The following TDRD12 variants were observed in gnomAD, a reference collection of about 807,000 sequenced individuals.
TDRD12 encodes the protein tudor domain containing 12.
Under a neutral mutation model 133.5 loss-of-function variants are expected in TDRD12, and 158 were observed. The observed-to-expected ratio is 1.18, with a 90% CI of 1.04 to 1.35. The LOEUF (loss-of-function observed/expected upper bound fraction) is 1.35, where lower values mean the gene tolerates loss of function less well. TDRD12 is among the 40% of genes most tolerant of loss of function. The pLI is 0.00. For missense variants in TDRD12, 1,443 were observed against 1,321.3 expected, an observed-to-expected ratio of 1.09 and a Z score of -1.43; for synonymous variants, 460 against 477.9, an observed-to-expected ratio of 0.96 and a Z score of 0.49.
At chr19:32,745,404 G>C (rs545316360) in intron 4 of TDRD12, among the ~76,000 whole-genome samples, 1 of 152,152 alleles carries the variant, frequency 6.6e-6, no homozygotes, top group African/African-American at 2.4e-5. Context: ...CCCTTTTAAC[G>C]TGTGTATTAC....
intron 27 of TDRD12, among the ~76,000 whole-genome samples, chr19:32,819,633 C>G (rs553847703): frequency 6.6e-6 from 1 of 152,166 alleles, no homozygotes; most frequent in South Asian, 2.1e-4. Flanking sequence ...CCCGTGGTCA[C>G]GAACACAGAG....
intron 1 of TDRD12, among the ~76,000 whole-genome samples, chr19:32,726,405 A>G (rs1396283401): frequency 1.3e-5 from 2 of 152,204 alleles, no homozygotes; most frequent in African/African-American, 4.8e-5. Context: ...TTGTGCAACC[A>G]TCACCAATGT....
chr19:32,720,899 C>T (rs1228360344), intron 1 of TDRD12, among the ~76,000 whole-genome samples: 1 of 142,554 alleles, frequency 7.0e-6, no homozygotes, highest in Non-Finnish European at 1.5e-5. Context: ...GTTTCACGGG[C>T]CCTGGCGTGC....
intron 1 of TDRD12, among the ~76,000 whole-genome samples, chr19:32,727,425 A>C (rs1267067015): frequency 6.6e-6 from 1 of 152,108 alleles, no homozygotes; most frequent in Non-Finnish European, 1.5e-5. Context: ...TTGACTTTCT[A>C]CTGTGGTGAT....
rs140604437 is a variant in TDRD12, at chr19:32,799,072, TTC to T, written c.1758+638_1758+639del. The stretch of plus-strand genomic sequence containing the variant: ...GAACATGCATGCTTTTTGCACCTGT[TTC>T]CTTTAGGATGAATTCCTAGGAAGGG... On this transcript the variant is annotated intron_variant, in intron 16 of 27. Transcript: ENST00000444215. 5.8e-3 allele frequency among the ~76,000 whole-genome samples: 879 copies of T among 152,336 alleles called. 9 individuals carry two copies. The highest frequency in any genetic ancestry group is 0.02 in the African/African-American group (828 of 41,564).
chr19:32,792,548 A>G (rs1232730029), intron 13 of TDRD12, among the ~76,000 whole-genome samples: 1 of 152,212 alleles, frequency 6.6e-6, no homozygotes, highest in Non-Finnish European at 1.5e-5. Flanking sequence ...TAGAGGAAAA[A>G]GGCAAAGAGA....
intron 10 of TDRD12, among the ~76,000 whole-genome samples, chr19:32,775,553 C>A (rs1970557724): frequency 6.6e-6 from 1 of 152,258 alleles, no homozygotes; most frequent in South Asian, 2.1e-4. Flanking sequence ...GGCTGGTCTC[C>A]AACTCCTGAG....
intron 18 of TDRD12, among the ~76,000 whole-genome samples, chr19:32,801,422 G>A (rs1240057959): frequency 6.6e-6 from 1 of 152,140 alleles, no homozygotes; most frequent in Non-Finnish European, 1.5e-5. Flanking sequence ...ATATGGTACT[G>A]TAGTCAACCA....
At chr19:32,817,994 C>G (rs761139180) in intron 26 of TDRD12, 95 bp from the exon 27 acceptor site, 53 of 681,212 alleles carry the variant, frequency 7.8e-5, no homozygotes, top group Non-Finnish European at 1.2e-4. Context: ...AGTGTTTTTA[C>G]CCATGCACTC....
At chr19:32,776,425 G>T (rs1234842548) in intron 10 of TDRD12, among the ~76,000 whole-genome samples, 1 of 152,180 alleles carries the variant, frequency 6.6e-6, no homozygotes, top group Non-Finnish European at 1.5e-5. Context: ...TTGGGGCCCG[G>T]TGAGGAAAGA....
At chr19:32,729,772 C>CT (rs1226886582) in intron 1 of TDRD12, among the ~76,000 whole-genome samples, 5 of 76,110 alleles carry the variant, frequency 6.6e-5, no homozygotes, top group East Asian at 8.6e-4. Flanking sequence ...ACTACTTTTT[C>CT]TTTTTCTTTT....
At chr19:32,768,314 G>T (rs1296201606) in intron 8 of TDRD12, among the ~76,000 whole-genome samples, 2 of 151,912 alleles carry the variant, frequency 1.3e-5, no homozygotes, top group Non-Finnish European at 2.9e-5. Context: ...CTTTTAAAGA[G>T]ATTTTTAAGA....
intron 13 of TDRD12, among the ~76,000 whole-genome samples, chr19:32,791,758 G>C (rs973499114): frequency 3.4e-4 from 52 of 152,170 alleles, no homozygotes; most frequent in African/African-American, 1.2e-3. Context: ...CTAGAGAAAT[G>C]ACCTTCAGAT....
At chr19:32,803,069 G>C (rs1971448040) in exon 21 of TDRD12, 2 of 1,535,904 alleles carry the variant, frequency 1.3e-6, no homozygotes, top group Non-Finnish European at 1.7e-6. Context: ...CACCGCAGGA[G>C]TTCTGGAAGC....
chr19:32,788,772 G>A (rs999974770), intron 11 of TDRD12, among the ~76,000 whole-genome samples: 2 of 152,164 alleles, frequency 1.3e-5, no homozygotes, highest in Non-Finnish European at 2.9e-5. Flanking sequence ...AGTGTGCCAA[G>A]CCTGTGGGCT....
exon 1 of TDRD12, chr19:32,719,990 C>G (rs896788013): frequency 6.7e-7 from 1 of 1,500,926 alleles, no homozygotes; most frequent in Non-Finnish European, 9.0e-7. Flanking sequence ...GGGGCCTGGC[C>G]GGGGCGGACG....
chr19:32,720,803 C>T (rs1393746136), intron 1 of TDRD12, among the ~76,000 whole-genome samples: 1 of 101,842 alleles, frequency 9.8e-6, no homozygotes. Flanking sequence ...CAACCCCACC[C>T]CGCCCTCCCC....
chr19:32,816,260 C>A (rs898900996), intron 26 of TDRD12, among the ~76,000 whole-genome samples: 2 of 152,158 alleles, frequency 1.3e-5, no homozygotes. Flanking sequence ...CTGAACATAC[C>A]TGTGTAACCA....
intron 7 of TDRD12, 102 bp downstream of exon 7, chr19:32,756,283 GACT>G (rs1969989694): frequency 2.0e-6 from 2 of 995,396 alleles, no homozygotes; most frequent in Non-Finnish European, 2.7e-6. Context: ...TGGAGACAAA[GACT>G]TGGACTCTGT....
Sources: gnomAD v4.1 joint callset for allele counts (sites outside exome capture counted in the v4.1 genomes callset) on GRCh38, gnomAD v4.1.1 for gene constraint, MANE v1.5 for transcripts, NCBI Gene and HGNC (gene_info 2026-07-23, HGNC 2026-07-21) for gene names.